Variants in TENM4 observed in about 807,000 individuals in gnomAD.
TENM4 encodes the protein teneurin transmembrane protein 4, also known as teneurin-4.
Under a neutral mutation model 243.3 loss-of-function variants are expected in TENM4, and 82 were observed. The ratio of observed to expected loss-of-function variants is 0.34; its 90% CI spans 0.28 to 0.40. The LOEUF (loss-of-function observed/expected upper bound fraction) is 0.40. TENM4 is among the 10% of genes least tolerant of loss of function. The pLI, the probability that TENM4 is intolerant of heterozygous loss-of-function variation, is 1.00. For synonymous variants in TENM4, 1,412 were observed against 1,456.3 expected (o/e 0.97, Z 0.69); for missense variants, 3,138 against 3,673.3 (o/e 0.85, Z 3.77).
chr11:79,292,363 T>C (rs991003040), intron 2 of TENM4, among the ~76,000 whole-genome samples: 1 of 152,142 alleles, frequency 6.6e-6, no homozygotes, highest in South Asian at 2.1e-4. Context: ...CTGTTTTCCA[T>C]GGAGCTCAAA....
Position 79,139,592 on chromosome 11 carries a change from G to T in TENM4, c.-66+9118C>A, listed in dbSNP as rs368601242. Among the ~76,000 whole-genome samples the T allele has an allele frequency of 1.4e-3, 29 of 20,260 alleles. 3 individuals carry two copies. The highest frequency in any genetic ancestry group is 0.028 in the Middle Eastern group (1 of 36). 13.3% of individuals were successfully genotyped at this position (20,260 alleles called of 152,430 possible). A position where few individuals can be genotyped will look rare whatever the true frequency, so the allele number is the denominator to read the frequency against. On this transcript the variant is annotated intron_variant, in intron 4 of 33. Transcript: ENST00000278550. ...ATATAAAATATATATTATATTTCTA[G>T]AAATATATAAAATATATATTATATT...
Position 79,380,156 on chromosome 11 carries a change from T to C in TENM4, c.-321+60353A>G, listed in dbSNP as rs76250782. ...TGTCCTTTTATAAAAGGAGGTGTGA[T>C]GGCAACATCTCCAGAAATGCAGCAA... On this transcript the variant is annotated intron_variant, in intron 1 of 33. Transcript: ENST00000278550. 6.3e-3 allele frequency among the ~76,000 whole-genome samples: 955 copies of C among 152,270 alleles called. 7 individuals are homozygous for C. Among genetic ancestry groups the C allele is most frequent in the Non-Finnish European group, 0.01 (705 of 68,008 alleles).
At chr11:79,085,334 G>A (rs1306725224) in intron 4 of TENM4, among the ~76,000 whole-genome samples, 11 of 147,692 alleles carry the variant, frequency 7.4e-5, no homozygotes, top group African/African-American at 2.3e-4. Context: ...CTGAGATCGC[G>A]CCACTGCACT....
chr11:78,850,119 C>T (rs896133904), intron 12 of TENM4, among the ~76,000 whole-genome samples: 1 of 151,926 alleles, frequency 6.6e-6, no homozygotes, highest in Non-Finnish European at 1.5e-5. Context: ...GCTCTGTCAA[C>T]ATCAGGTCTC....
At chr11:79,384,937 T>TAAAATAAAATAAAATAAAATAAAATAAAA (rs376695919) in intron 1 of TENM4, among the ~76,000 whole-genome samples, 3 of 114,376 alleles carry the variant, frequency 2.6e-5, no homozygotes, top group Non-Finnish European at 5.3e-5. Context: ...AAAAATAAAA[T>TAAAATAAAATAAAATAAAATAAAATAAAA]TAAAATAAAA....
At position 78,738,573 on chromosome 11, in the gene TENM4, G is replaced by A. The variant is rs1294891337; in HGVS notation, c.2757-3C>T. On this transcript the variant is annotated splice_region_variant and splice_polypyrimidine_tract_variant and intron_variant, in intron 19 of 33. Coordinates refer to ENST00000278550, the MANE Select transcript of TENM4 (RefSeq NM_001098816.3). ...GGCCACGAATAACACAAGCATGCCT[G>A]TGGGAAGAGAAGAGAGAATAAACAT... The A allele has an allele frequency of 1.9e-6, 3 of 1,613,174 alleles. No homozygotes were observed. Among genetic ancestry groups the A allele is most frequent in the Non-Finnish European group, 2.5e-6 (3 of 1,179,572 alleles).
At chr11:79,400,680 A>G (rs1157835629) in intron 1 of TENM4, among the ~76,000 whole-genome samples, 2 of 152,244 alleles carry the variant, frequency 1.3e-5, no homozygotes, top group East Asian at 3.8e-4. Context: ...CCTGTGTCAC[A>G]GAGCTGCTGT....
At chr11:78,941,145 T>TC (rs945673068) in intron 6 of TENM4, among the ~76,000 whole-genome samples, 1 of 152,172 alleles carries the variant, frequency 6.6e-6, no homozygotes, top group Non-Finnish European at 1.5e-5. Flanking sequence ...TAGCACCGGA[T>TC]CCCCGTGGGC....
At chr11:78,663,305 G>C (rs770423601) in intron 32 of TENM4, among the ~76,000 whole-genome samples, 1 of 152,214 alleles carries the variant, frequency 6.6e-6, no homozygotes, top group Non-Finnish European at 1.5e-5. Context: ...ATAGAACCCT[G>C]ATCGCAGAGG....
At position 79,286,749 on chromosome 11, in the gene TENM4, T is replaced by C. The variant is rs1856261492; in HGVS notation, c.-265+10739A>G. Among the ~76,000 whole-genome samples the C allele has an allele frequency of 2.6e-5, 4 of 152,158 alleles. No homozygotes were observed. In the South Asian group the frequency reaches 8.3e-4, roughly 31 times the overall value. ...GGCGTGAGGATTACATAAGCAGATA[T>C]GAAGCAGGTACTCATCATTCTAATT... On this transcript the variant is annotated intron_variant, in intron 2 of 33. Coordinates refer to ENST00000278550, the MANE Select transcript of TENM4 (RefSeq NM_001098816.3).
intron 8 of TENM4, 25 bp from the exon 9 acceptor site, chr11:78,890,045 G>A (rs372547150): frequency 6.6e-7 from 1 of 1,509,790 alleles, no homozygotes. Flanking sequence ...CAGCAAGAGG[G>A]TGTCAGGGGC....
At chr11:78,769,006 A>G (rs7939558) in intron 18 of TENM4, among the ~76,000 whole-genome samples, 39,863 of 152,118 alleles carry the variant, frequency 0.26, 7,222 homozygotes, top group African/African-American at 0.51. Context: ...GGAGAGAGGT[A>G]CGCCCTTTCC....
At chr11:79,202,856 T>C (rs1433604358) in intron 3 of TENM4, among the ~76,000 whole-genome samples, 2 of 152,206 alleles carry the variant, frequency 1.3e-5, no homozygotes, top group African/African-American at 4.8e-5. Flanking sequence ...AGGAGGCCCA[T>C]AATGACAAAC....
chr11:78,891,329 C>T lies in TENM4; in HGVS notation c.757G>A (p.Gly253Ser), dbSNP rs1309929814. 1 of 1,551,468 alleles carries T rather than the reference C, an allele frequency of 6.4e-7. No individual in the cohort carries two copies. The highest frequency in any genetic ancestry group is 2.0e-5 in the Admixed American group (1 of 51,012). The change falls in exon 8 of 34, where the codon GGC becomes AGC. Residue 253 changes from glycine (G) to serine (S), a missense_variant. Coordinates refer to ENST00000278550, the MANE Select transcript of TENM4 (RefSeq NM_001098816.3). ...SNIPLETRNLGKQPFLGTLQD... is the reference protein window; with the variant it reads ...SNIPLETRNLSKQPFLGTLQD... ...AATGTCCCTAGGAATGGCTGCTTGC[C>T]TAGGTTTCTACGCACACATGGAGAC... is the stretch of plus-strand genomic sequence containing the variant.
At position 78,700,581 on chromosome 11, in the gene TENM4, G is replaced by A. The variant is rs143146597; in HGVS notation, c.5087+945C>T. On this transcript the variant is annotated intron_variant, in intron 28 of 33. Coordinates refer to ENST00000278550, the MANE Select transcript of TENM4 (RefSeq NM_001098816.3). ...TTAAAAAAATCTAAGTAGAAAGAGC[G>A]ATGTTAGTCCATTCATTAAATATCT... Among the ~76,000 whole-genome samples the A allele has an allele frequency of 7.5e-4, 114 of 152,268 alleles. No homozygotes were observed. The East Asian group carries it at 0.016, about 22-fold the overall frequency.
chr11:79,356,474 G>A (rs1420363735), intron 1 of TENM4, among the ~76,000 whole-genome samples: 1 of 152,178 alleles, frequency 6.6e-6, no homozygotes, highest in Non-Finnish European at 1.5e-5. Context: ...CACAGTTTAG[G>A]AGAAAGACCA....
chr11:78,861,072 G>C (rs1007257762), intron 10 of TENM4, among the ~76,000 whole-genome samples: 2 of 152,182 alleles, frequency 1.3e-5, no homozygotes, highest in African/African-American at 4.8e-5. Flanking sequence ...AGTTCCTTGA[G>C]GGTTAAGCAT....
chr11:79,092,661 T>G (rs1324163419), intron 4 of TENM4, among the ~76,000 whole-genome samples: 2 of 152,242 alleles, frequency 1.3e-5, no homozygotes, highest in African/African-American at 4.8e-5. Flanking sequence ...CCCTGCTCAA[T>G]GAGTCAAGTT....
At chr11:79,217,492 A>G (rs760534279) in intron 2 of TENM4, among the ~76,000 whole-genome samples, 1 of 152,218 alleles carries the variant, frequency 6.6e-6, no homozygotes, top group Non-Finnish European at 1.5e-5. Context: ...CTTAAAAAAC[A>G]TTGCTGTTTA....
Sources: allele counts gnomAD v4.1 joint callset (sites outside exome capture counted in the v4.1 genomes callset), GRCh38; gene constraint gnomAD v4.1.1; transcripts MANE v1.5; gene names NCBI Gene and HGNC (gene_info 2026-07-23, HGNC 2026-07-21).